The following SGCD variants were observed in gnomAD, a reference collection of about 807,000 sequenced individuals.
SGCD encodes the protein sarcoglycan delta.
A neutral mutation model predicts 36.6 loss-of-function variants in SGCD; 18 were observed. The ratio of observed to expected loss-of-function variants is 0.49; its 90% CI spans 0.34 to 0.73. The LOEUF (loss-of-function observed/expected upper bound fraction) is 0.73. SGCD is among the 30% of genes least tolerant of loss of function. SGCD has a pLI of 0.01. For synonymous variants in SGCD, 133 were observed against 130.6 expected, an observed-to-expected ratio of 1.02 and a Z score of -0.12; for missense variants, 387 against 346.7, an observed-to-expected ratio of 1.12 and a Z score of -0.92.
At chr5:156,161,310 A>G (rs1246497383) in intron 3 of SGCD, among the ~76,000 whole-genome samples, 1 of 151,830 alleles carries the variant, frequency 6.6e-6, no homozygotes, top group Non-Finnish European at 1.5e-5. Context: ...CAAACTCTGT[A>G]GTAAACATTC....
chr5:155,752,921 A>G, the SGCD span, among the ~76,000 whole-genome samples: 2 of 152,310 alleles, frequency 1.3e-5, no homozygotes, highest in East Asian at 3.9e-4. Flanking sequence ...TCAAGATTAC[A>G]CAGCACATAG....
intron 3 of SGCD, among the ~76,000 whole-genome samples, chr5:156,356,793 G>T (rs570856464): frequency 1.3e-5 from 2 of 152,156 alleles, no homozygotes; most frequent in Non-Finnish European, 2.9e-5. Context: ...ACCCAGGTGG[G>T]CCCTCAATTC....
intron 1 of SGCD, among the ~76,000 whole-genome samples, chr5:156,006,851 C>T (rs1244378417): frequency 6.6e-6 from 1 of 152,196 alleles, no homozygotes; most frequent in East Asian, 1.9e-4. Context: ...AGAGTTTCTA[C>T]ACATACCCAT....
chr5:156,705,570 C>G (rs749599836), intron 7 of SGCD, among the ~76,000 whole-genome samples: 1 of 152,110 alleles, frequency 6.6e-6, no homozygotes, highest in African/African-American at 2.4e-5. Flanking sequence ...TTAGAAGATA[C>G]TATATCATCT....
chr5:156,371,232 C>T (rs528189142), intron 3 of SGCD, among the ~76,000 whole-genome samples: 34 of 152,202 alleles, frequency 2.2e-4, no homozygotes, highest in Admixed American at 1.6e-3. Flanking sequence ...TCATGAAAAC[C>T]AATTGTTTTG....
intron 1 of SGCD, among the ~76,000 whole-genome samples, chr5:155,995,278 T>G (rs1242589496): frequency 6.6e-6 from 1 of 152,186 alleles, no homozygotes; most frequent in Non-Finnish European, 1.5e-5. Context: ...GGTCGGATGA[T>G]TTCTCTCTTT....
At chr5:156,606,438 G>A (rs1341128350) in intron 6 of SGCD, among the ~76,000 whole-genome samples, 2 of 152,128 alleles carry the variant, frequency 1.3e-5, no homozygotes, top group Admixed American at 1.3e-4. Flanking sequence ...ATGCTGTTTT[G>A]GTTACTGTAG....
At chr5:156,645,975 G>A (rs1483737256) in intron 6 of SGCD, among the ~76,000 whole-genome samples, 2 of 152,092 alleles carry the variant, frequency 1.3e-5, no homozygotes, top group African/African-American at 4.8e-5. Flanking sequence ...GGAGATAAAG[G>A]TACTATCAAC....
At chr5:156,443,035 A>G (rs1023197633) in intron 3 of SGCD, among the ~76,000 whole-genome samples, 3 of 152,086 alleles carry the variant, frequency 2.0e-5, no homozygotes, top group Non-Finnish European at 4.4e-5. Flanking sequence ...CCCAGGCTGG[A>G]GTGCAGTGGG....
chr5:156,482,267 G>GA (rs948660536), intron 3 of SGCD, among the ~76,000 whole-genome samples: 1,558 of 143,852 alleles, frequency 0.011, 20 homozygotes, highest in African/African-American at 0.031. Flanking sequence ...TTGAAATCCT[G>GA]AAAAAAAAAA....
At chr5:155,945,552 C>A (rs1458172253) in intron 1 of SGCD, among the ~76,000 whole-genome samples, 1 of 152,162 alleles carries the variant, frequency 6.6e-6, no homozygotes, top group African/African-American at 2.4e-5. Context: ...AAAGCATTTG[C>A]AGAGGACGGA....
chr5:156,428,282 T>C (rs1773765260), intron 3 of SGCD, among the ~76,000 whole-genome samples: 1 of 152,100 alleles, frequency 6.6e-6, no homozygotes, highest in Non-Finnish European at 1.5e-5. Flanking sequence ...TGTATCTTTC[T>C]AGGAATTTAT....
chr5:156,423,577 G>A (rs1034566727), intron 3 of SGCD, among the ~76,000 whole-genome samples: 2 of 150,494 alleles, frequency 1.3e-5, no homozygotes, highest in African/African-American at 2.4e-5. Flanking sequence ...TGTTTTGAAT[G>A]TTACAATTTG....
intron 3 of SGCD, chr5:156,458,535 G>A (rs953748674): frequency 7.8e-6 from 11 of 1,412,428 alleles, no homozygotes; most frequent in Non-Finnish European, 1.1e-5. Flanking sequence ...AGACACACCA[G>A]TGATTCTTTC....
intron 3 of SGCD, among the ~76,000 whole-genome samples, chr5:156,476,900 T>C (rs1465236543): frequency 6.6e-6 from 1 of 152,210 alleles, no homozygotes; most frequent in African/African-American, 2.4e-5. Context: ...AAATAGATCT[T>C]AGCGCTGTGA....
chr5:156,077,665 C>G (rs758977158), intron 1 of SGCD, among the ~76,000 whole-genome samples: 1 of 152,134 alleles, frequency 6.6e-6, no homozygotes, highest in African/African-American at 2.4e-5. Flanking sequence ...CTTCTCCTCT[C>G]CAATAGTCTT....
intron 3 of SGCD, among the ~76,000 whole-genome samples, chr5:156,219,462 G>A (rs1392008335): frequency 6.6e-6 from 1 of 151,788 alleles, no homozygotes; most frequent in Non-Finnish European, 1.5e-5. Context: ...AACTTATATC[G>A]ACAAGAATGA....
At chr5:156,605,013 A>C (rs1472824030) in intron 6 of SGCD, among the ~76,000 whole-genome samples, 1 of 151,468 alleles carries the variant, frequency 6.6e-6, no homozygotes, top group Non-Finnish European at 1.5e-5. Flanking sequence ...TTTGAGTTTG[A>C]TTATGAATTT....
chr5:156,044,186 G>A (rs981126452), intron 1 of SGCD, among the ~76,000 whole-genome samples: 4 of 152,134 alleles, frequency 2.6e-5, no homozygotes, highest in African/African-American at 4.8e-5. Flanking sequence ...CATATAGTTG[G>A]TGAGGAAGAA....
Sources: gnomAD v4.1 joint callset for allele counts (sites outside exome capture counted in the v4.1 genomes callset) on GRCh38, gnomAD v4.1.1 for gene constraint, MANE v1.5 for transcripts, NCBI Gene and HGNC (gene_info 2026-07-23, HGNC 2026-07-21) for gene names.